Variants in TLL1 observed in about 807,000 individuals in gnomAD.
The protein encoded by TLL1 is tolloid like 1, also known as tolloid-like protein 1.
A neutral mutation model predicts 128.2 loss-of-function variants in TLL1; 49 were observed. The ratio of observed to expected loss-of-function variants is 0.38; its 90% CI spans 0.30 to 0.48. The LOEUF (loss-of-function observed/expected upper bound fraction) is 0.48. Among genes scored for constraint, TLL1 ranks in the 20% least tolerant of loss-of-function variants. The pLI is 0.96. For synonymous variants in TLL1, 454 were observed against 418.8 expected, an observed-to-expected ratio of 1.08 and a Z score of -1.03; for missense variants, 1,123 against 1,242.0, an observed-to-expected ratio of 0.90 and a Z score of 1.44.
chr4:166,006,431 C>A (rs540184765), intron 6 of TLL1, among the ~76,000 whole-genome samples: 2 of 151,678 alleles, frequency 1.3e-5, no homozygotes, highest in African/African-American at 2.4e-5. Flanking sequence ...GCTGAAGTTG[C>A]GTAATGTTCT....
chr4:165,953,902 G>A (rs976173988), intron 1 of TLL1, among the ~76,000 whole-genome samples: 3 of 152,016 alleles, frequency 2.0e-5, no homozygotes, highest in Non-Finnish European at 4.4e-5. Context: ...TTGTAATAAA[G>A]AGTGATAATA....
chr4:165,939,930 CT>C (rs1733930903), intron 1 of TLL1, among the ~76,000 whole-genome samples: 1 of 151,958 alleles, frequency 6.6e-6, no homozygotes, highest in African/African-American at 2.4e-5. Context: ...ATTTTTCGTG[CT>C]GGAATTTTCT....
Position 166,056,443 on chromosome 4 carries a change from G to A in TLL1, c.1721-741G>A, listed in dbSNP as rs535272831. Among the ~76,000 whole-genome samples the A allele has an allele frequency of 4.2e-4, 64 of 151,568 alleles. No homozygotes were observed. The South Asian group carries it at 4.8e-3, about 11-fold the overall frequency. ...TTGGGTTTCAATATACAATTATACA[G>A]TATGTATATTTATTAAAATGGGGTT... On this transcript the variant is annotated intron_variant, in intron 13 of 20. Coordinates refer to ENST00000061240, the MANE Select transcript of TLL1 (RefSeq NM_012464.5).
chr4:166,093,601 A>G (rs1741881219), intron 19 of TLL1, among the ~76,000 whole-genome samples: 1 of 152,122 alleles, frequency 6.6e-6, no homozygotes, highest in Non-Finnish European at 1.5e-5. Flanking sequence ...GAACTGCAAG[A>G]GGCTTTCCTC....
chr4:165,907,438 A>G (rs1732314108), intron 1 of TLL1, among the ~76,000 whole-genome samples: 1 of 152,194 alleles, frequency 6.6e-6, no homozygotes, highest in African/African-American at 2.4e-5. Context: ...TTAAAAGGGT[A>G]GCTTGTAAAA....
intron 1 of TLL1, among the ~76,000 whole-genome samples, chr4:165,949,908 C>T (rs1227239926): frequency 1.3e-5 from 2 of 152,018 alleles, no homozygotes; most frequent in Non-Finnish European, 2.9e-5. Context: ...AATAAAATGG[C>T]AGGCATAAAT....
intron 12 of TLL1, among the ~76,000 whole-genome samples, chr4:166,052,774 CTT>C (rs1015502098): frequency 3.3e-5 from 5 of 151,764 alleles, no homozygotes; most frequent in Non-Finnish European, 4.4e-5. Flanking sequence ...TTTGCCAAGA[CTT>C]TGGTTATTTT....
Position 166,060,049 on chromosome 4 carries a change from C to T in TLL1, c.1868C>T (p.Thr623Ile). 1 of 1,613,642 alleles carries T rather than the reference C, an allele frequency of 6.2e-7. No individual in the cohort carries two copies. Among genetic ancestry groups the T allele is most frequent in the South Asian group, 1.1e-5 (1 of 91,072 alleles). Reference protein sequence around the residue: ...SCEAACGGLLTKLNGTITTPG... With the variant: ...SCEAACGGLLIKLNGTITTPG... ...CTAGCTGCTTGTGGTGGACTTCTTA[C>T]CAAACTTAACGGCACCATAACCACC... The change falls in exon 15 of 21, where the codon ACC (threonine) becomes ATC (isoleucine). Residue 623 changes from threonine (T) to isoleucine (I), a missense_variant. By Grantham distance (89) the Thr-to-Ile change is moderately conservative. Coordinates refer to ENST00000061240, the MANE Select transcript of TLL1 (RefSeq NM_012464.5).
intron 1 of TLL1, among the ~76,000 whole-genome samples, chr4:165,896,479 CT>C (rs70955648): frequency 0.23 from 23,160 of 102,112 alleles, 2,143 homozygotes; most frequent in East Asian, 0.45. Flanking sequence ...AATGGTATTT[CT>C]TTTTTTTTTT....
chr4:165,988,917 T>A lies in TLL1; in HGVS notation c.170-464T>A, dbSNP rs550641436. ...CAATAGCACTAGGTATTCTTTTGTC[T>A]TGATTGCACCTTGCATTATAAAATT... On this transcript the variant is annotated intron_variant, in intron 1 of 20. Coordinates refer to ENST00000061240, the MANE Select transcript of TLL1 (RefSeq NM_012464.5). Among the ~76,000 whole-genome samples the A allele has an allele frequency of 3.3e-5, 5 of 152,278 alleles. 1 individual carries two copies. The East Asian group carries it at 9.7e-4, about 29-fold the overall frequency.
At chr4:166,050,929 C>T (rs1269054466) in intron 12 of TLL1, among the ~76,000 whole-genome samples, 1 of 152,116 alleles carries the variant, frequency 6.6e-6, no homozygotes, top group African/African-American at 2.4e-5. Flanking sequence ...ACATGTTCTT[C>T]CTTCTTTGTG....
chr4:165,929,537 CAA>C (rs71604413), intron 1 of TLL1, among the ~76,000 whole-genome samples: 6 of 134,094 alleles, frequency 4.5e-5, no homozygotes, highest in Admixed American at 1.5e-4. Flanking sequence ...GACTCCATCT[CAA>C]AAAAAAAAAA....
chr4:166,085,248 T>TC (rs1470251756), intron 18 of TLL1, among the ~76,000 whole-genome samples: 2 of 151,682 alleles, frequency 1.3e-5, no homozygotes, highest in Non-Finnish European at 2.9e-5. Flanking sequence ...AACTTTTTTT[T>TC]TTTTTCAATT....
intron 1 of TLL1, among the ~76,000 whole-genome samples, chr4:165,923,579 A>G (rs1481284955): frequency 1.3e-5 from 2 of 151,404 alleles, no homozygotes; most frequent in East Asian, 3.9e-4. Context: ...GACTACAGGC[A>G]CCCACCACCA....
At chr4:165,943,272 A>G (rs1381384639) in intron 1 of TLL1, among the ~76,000 whole-genome samples, 1 of 152,064 alleles carries the variant, frequency 6.6e-6, no homozygotes, top group Non-Finnish European at 1.5e-5. Flanking sequence ...AAAAAGCAAA[A>G]TGTTTAATTT....
At chr4:166,080,259 T>C (rs1741225971) in intron 18 of TLL1, among the ~76,000 whole-genome samples, 1 of 152,124 alleles carries the variant, frequency 6.6e-6, no homozygotes, top group South Asian at 2.1e-4. Flanking sequence ...ACTCTTCTTA[T>C]AAGAATACCA....
At chr4:166,055,870 T>G (rs1295901507) in intron 13 of TLL1, among the ~76,000 whole-genome samples, 1 of 152,164 alleles carries the variant, frequency 6.6e-6, no homozygotes, top group African/African-American at 2.4e-5. Context: ...CATATGCATT[T>G]AGGAAATTCA....
chr4:166,079,312 C>G (rs1465987845), intron 18 of TLL1, among the ~76,000 whole-genome samples: 1 of 152,032 alleles, frequency 6.6e-6, no homozygotes, highest in Non-Finnish European at 1.5e-5. Context: ...TGTCTCAATC[C>G]AAATTTTTTT....
At chr4:165,960,628 T>C (rs917229611) in intron 1 of TLL1, among the ~76,000 whole-genome samples, 7 of 152,114 alleles carry the variant, frequency 4.6e-5, no homozygotes, top group African/African-American at 7.2e-5. Context: ...ATCAAATAGG[T>C]TTTATTCCTG....
Sources: allele counts gnomAD v4.1 joint callset (sites outside exome capture counted in the v4.1 genomes callset), GRCh38; gene constraint gnomAD v4.1.1; transcripts MANE v1.5; gene names NCBI Gene and HGNC (gene_info 2026-07-23, HGNC 2026-07-21).